CCDC122: variants seen among roughly 807,000 people sequenced by gnomAD.
CCDC122 encodes the protein coiled-coil domain containing 122.
Under a neutral mutation model 37.0 loss-of-function variants are expected in CCDC122, and 38 were observed. That is an observed-to-expected ratio of 1.03 (90% CI 0.79 to 1.35). The LOEUF is 1.35. Among genes scored for constraint, CCDC122 ranks in the 40% most tolerant of loss-of-function variants. The probability of loss-of-function intolerance (pLI) is 0.00; values close to 1 mark genes in which losing one functional copy is unlikely to be tolerated. For missense variants in CCDC122, 305 were observed against 310.0 expected (o/e 0.98, Z 0.12); for synonymous variants, 83 against 95.6 (o/e 0.87, Z 0.77).
At chr13:43,823,443 G>A (rs1311947463), downstream of CCDC122, among the ~76,000 whole-genome samples, 1 of 152,154 alleles carries the variant, frequency 6.6e-6, no homozygotes, top group Non-Finnish European at 1.5e-5. Flanking sequence ...CCTTGGCCTC[G>A]CTGTCTGGTA....
At chr13:43,820,397 A>G (rs1952984882), downstream of CCDC122, among the ~76,000 whole-genome samples, 1 of 152,194 alleles carries the variant, frequency 6.6e-6, no homozygotes, top group Non-Finnish European at 1.5e-5. Context: ...GATGGTAAGT[A>G]TGAGACAACT....
intron 6 of CCDC122, among the ~76,000 whole-genome samples, chr13:43,845,764 T>C (rs1371662634): frequency 6.6e-6 from 1 of 152,152 alleles, no homozygotes; most frequent in East Asian, 1.9e-4. Flanking sequence ...GTAGTGCAAG[T>C]CTACTGGGAA....
At chr13:43,857,207 T>C (rs1953943669) in intron 6 of CCDC122, among the ~76,000 whole-genome samples, 1 of 152,200 alleles carries the variant, frequency 6.6e-6, no homozygotes, top group African/African-American at 2.4e-5. Context: ...ATTTGCCCAA[T>C]GTTTCACTGA....
chr13:43,855,612 AATC>A (rs1252246788), intron 6 of CCDC122: 2 of 152,174 alleles, frequency 1.3e-5, no homozygotes, highest in African/African-American at 4.8e-5. Context: ...CAGCATCATA[AATC>A]ATTAGGGAAA....
downstream of CCDC122, among the ~76,000 whole-genome samples, chr13:43,821,012 TCAAATGTCTTATTCCATATGCTATTC>T (rs1806788245): frequency 6.6e-6 from 1 of 152,246 alleles, no homozygotes. Context: ...AATTTTATTC[TCAAATGTCTTATTCCATATGCTATTC>T]CATAAGGTCC....
chr13:43,843,367 T>C (rs1953419910), intron 6 of CCDC122, among the ~76,000 whole-genome samples: 1 of 152,056 alleles, frequency 6.6e-6, no homozygotes, highest in Non-Finnish European at 1.5e-5. Flanking sequence ...CATCATTTGA[T>C]GTTTGAAAGT....
At chr13:43,821,095 C>T (rs1023609366), downstream of CCDC122, among the ~76,000 whole-genome samples, 4 of 152,088 alleles carry the variant, frequency 2.6e-5, no homozygotes, top group Admixed American at 6.6e-5. Flanking sequence ...TTTTCTTTAT[C>T]CTTGACCTTT....
chr13:43,821,539 A>G (rs985841133), downstream of CCDC122, among the ~76,000 whole-genome samples: 2 of 152,160 alleles, frequency 1.3e-5, no homozygotes, highest in Admixed American at 6.5e-5. Flanking sequence ...TCTAGATTTG[A>G]TAAGTTCTCT....
At chr13:43,838,312 A>T (rs2153869461) in intron 6 of CCDC122, among the ~76,000 whole-genome samples, 1 of 152,322 alleles carries the variant, frequency 6.6e-6, no homozygotes, top group Non-Finnish European at 1.5e-5. Context: ...GATTCACTGA[A>T]ACACAGATCA....
At chr13:43,840,432 G>A (rs550417427) in intron 6 of CCDC122, among the ~76,000 whole-genome samples, 7 of 151,890 alleles carry the variant, frequency 4.6e-5, no homozygotes, top group Non-Finnish European at 1.0e-4. Context: ...ACAACATGCA[G>A]GTTTGTTACA....
chr13:43,861,665 A>G (rs1954109579), intron 4 of CCDC122, among the ~76,000 whole-genome samples: 1 of 152,194 alleles, frequency 6.6e-6, no homozygotes, highest in Admixed American at 6.5e-5. Flanking sequence ...CCTGGCAGAG[A>G]AAAAGGAGGT....
At chr13:43,872,202 A>T (rs1308454774) in intron 2 of CCDC122, among the ~76,000 whole-genome samples, 1 of 151,912 alleles carries the variant, frequency 6.6e-6, no homozygotes, top group Non-Finnish European at 1.5e-5. Context: ...CGACTCTTGT[A>T]TCTTTACACA....
In CCDC122 at chr13:43,837,375, T is replaced by C; in HGVS notation, c.727A>G (p.Lys243Glu). 6.2e-7 allele frequency: 1 copy of C among 1,614,130 alleles called. No homozygotes were observed. The highest frequency in any genetic ancestry group is 8.5e-7 in the Non-Finnish European group (1 of 1,180,010). Reference sequence around the variant, plus strand: ...CACTGTCGTCTATTTGACTGAAGCTTGTTCACCTGACAATGCAAACGCTTA... The same window carrying C: ...CACTGTCGTCTATTTGACTGAAGCTCGTTCACCTGACAATGCAAACGCTTA... ...ILKRLHCQVN[K>E]LQSNRRQWQW... Residue 243 changes from lysine (K) to glutamate (E), a missense_variant, in exon 7 of 7, where the codon AAG becomes GAG. Physicochemically the swap from Lys to Glu is moderately conservative, Grantham distance 56. Coordinates refer to ENST00000444614, the MANE Select transcript of CCDC122 (RefSeq NM_144974.5).
chr13:43,865,451 A>G (rs534702011), intron 4 of CCDC122, among the ~76,000 whole-genome samples: 1 of 152,308 alleles, frequency 6.6e-6, no homozygotes, highest in South Asian at 2.1e-4. Flanking sequence ...ACTGAACTCT[A>G]TATACACTAT....
At chr13:43,868,963 C>T (rs1954360607) in intron 3 of CCDC122, among the ~76,000 whole-genome samples, 160 bp from the exon 4 acceptor site, 2 of 151,858 alleles carry the variant, frequency 1.3e-5, no homozygotes, top group African/African-American at 4.8e-5. Flanking sequence ...TAAACAAAAC[C>T]AAAAGTAAAG....
chr13:43,871,271 T>C (rs1360982801), intron 2 of CCDC122, among the ~76,000 whole-genome samples: 1 of 152,100 alleles, frequency 6.6e-6, no homozygotes, highest in African/African-American at 2.4e-5. Flanking sequence ...AGTGCATTTA[T>C]AGAGCTGCTG....
chr13:43,851,501 A>G (rs1314484572), intron 6 of CCDC122, among the ~76,000 whole-genome samples: 1 of 152,152 alleles, frequency 6.6e-6, no homozygotes, highest in Non-Finnish European at 1.5e-5. Context: ...CACAGCCATC[A>G]GCAGGGACCC....
At chr13:43,840,975 GTTT>G (rs1953331536) in intron 6 of CCDC122, among the ~76,000 whole-genome samples, 1 of 152,168 alleles carries the variant, frequency 6.6e-6, no homozygotes, top group African/African-American at 2.4e-5. Flanking sequence ...TTCCACAATG[GTTT>G]AACTAGTCTA....
intron 4 of CCDC122, among the ~76,000 whole-genome samples, chr13:43,864,269 C>T (rs1954204359): frequency 6.6e-6 from 1 of 152,108 alleles, no homozygotes; most frequent in Non-Finnish European, 1.5e-5. Flanking sequence ...AGTGTGGTAA[C>T]ATGGAAAGAT....
Sources: gnomAD v4.1 joint callset for allele counts (sites outside exome capture counted in the v4.1 genomes callset) on GRCh38, gnomAD v4.1.1 for gene constraint, MANE v1.5 for transcripts, NCBI Gene and HGNC (gene_info 2026-07-23, HGNC 2026-07-21) for gene names.